DNAH3: variants seen among roughly 807,000 people sequenced by gnomAD.
DNAH3 encodes the protein dynein axonemal heavy chain 3.
DNAH3 carries 332 observed loss-of-function variants against 432.5 expected under a neutral mutation model. The ratio of observed to expected loss-of-function variants is 0.77; its 90% CI spans 0.70 to 0.84. The LOEUF (loss-of-function observed/expected upper bound fraction) is 0.84, where lower values mean the gene tolerates loss of function less well. Among genes scored for constraint, DNAH3 ranks in the 40% least tolerant of loss-of-function variants. DNAH3 has a pLI of 0.00. For missense variants in DNAH3, 4,861 were observed against 5,114.0 expected (o/e 0.95, Z 1.51); for synonymous variants, 1,956 against 1,900.2 (o/e 1.03, Z -0.76).
chr16:21,134,916 G>A (rs2092621900), intron 6 of DNAH3, among the ~76,000 whole-genome samples: 1 of 152,088 alleles, frequency 6.6e-6, no homozygotes, highest in Non-Finnish European at 1.5e-5. Context: ...TTGAAATCCT[G>A]ACCTCAGGTG....
intron 1 of DNAH3, among the ~76,000 whole-genome samples, chr16:21,151,895 C>A (rs2152836773): frequency 6.6e-6 from 1 of 152,000 alleles, no homozygotes; most frequent in Non-Finnish European, 1.5e-5. Flanking sequence ...ATTCAATTTC[C>A]CCCCAAACAC....
intron 37 of DNAH3, among the ~76,000 whole-genome samples, chr16:21,029,514 T>C (rs184572905): frequency 1.3e-5 from 2 of 152,314 alleles, no homozygotes; most frequent in East Asian, 3.9e-4. Context: ...CTATCGTCCC[T>C]ACTTTACAGA....
intron 7 of DNAH3, among the ~76,000 whole-genome samples, chr16:21,129,654 T>C (rs1319341782): frequency 6.6e-6 from 1 of 151,808 alleles, no homozygotes; most frequent in Non-Finnish European, 1.5e-5. Flanking sequence ...GGAGAATTGT[T>C]TGAACCTAGG....
At chr16:21,137,423 CTTT>C (rs560633047) in intron 5 of DNAH3, among the ~76,000 whole-genome samples, 13 of 137,202 alleles carry the variant, frequency 9.5e-5, no homozygotes, top group Admixed American at 7.4e-5. Context: ...TATTGTTGTT[CTTT>C]TTTTTTTTTT....
chr16:20,950,355 G>A (rs1035014022), intron 56 of DNAH3, among the ~76,000 whole-genome samples: 1 of 152,064 alleles, frequency 6.6e-6, no homozygotes, highest in Non-Finnish European at 1.5e-5. Context: ...TGTGTTGTGG[G>A]GACCACCTTG....
chr16:21,153,819 A>C lies in DNAH3; in HGVS notation c.117+5506T>G, dbSNP rs188499366. 3.2e-3 allele frequency among the ~76,000 whole-genome samples: 481 copies of C among 152,300 alleles called. 2 individuals are homozygous for C. Among genetic ancestry groups the C allele is most frequent in the Non-Finnish European group, 5.4e-3 (365 of 68,028 alleles). ...AGTCAGTGAGACCAAGAACCTACGA[A>C]TTCCAGACACAATAGAACCAAGTAC... On this transcript the variant is annotated intron_variant, in intron 1 of 61. Transcript: ENST00000261383.
chr16:21,067,769 T>TGGGGGGGGGGGGGGGGGGG (rs2090613226), intron 23 of DNAH3, among the ~76,000 whole-genome samples: 2 of 21,680 alleles, frequency 9.2e-5, no homozygotes, highest in Admixed American at 6.3e-4. Context: ...GGGGGGGGGG[T>TGGGGGGGGGGGGGGGGGGG]GGGGAGGGAG....
intron 41 of DNAH3, among the ~76,000 whole-genome samples, chr16:21,015,201 C>A (rs1031596068): frequency 6.6e-6 from 1 of 152,048 alleles, no homozygotes; most frequent in East Asian, 1.9e-4. Context: ...AACATACATA[C>A]AATGAAATAT....
chr16:21,149,825 A>G (rs1318859513), intron 1 of DNAH3, among the ~76,000 whole-genome samples: 2 of 152,242 alleles, frequency 1.3e-5, no homozygotes, highest in African/African-American at 2.4e-5. Flanking sequence ...AGCAAAAATG[A>G]TATTTCAAAG....
intron 44 of DNAH3, among the ~76,000 whole-genome samples, chr16:20,996,248 G>A (rs562983403): frequency 2.6e-5 from 4 of 152,016 alleles, no homozygotes; most frequent in Admixed American, 1.3e-4. Context: ...TATGTAGCTA[G>A]CATGTGTATA....
intron 14 of DNAH3, among the ~76,000 whole-genome samples, chr16:21,109,626 G>T (rs2092024882): frequency 6.6e-6 from 1 of 151,948 alleles, no homozygotes; most frequent in African/African-American, 2.4e-5. Flanking sequence ...CTGAGGTAGG[G>T]TCTTGCTCTG....
Position 21,058,206 on chromosome 16 carries a change from C to T in DNAH3, c.3814-10G>A. 1 of 1,522,822 alleles carries T rather than the reference C, an allele frequency of 6.6e-7. No individual in the cohort carries two copies. The highest frequency in any genetic ancestry group is 9.1e-7 in the Non-Finnish European group (1 of 1,096,926). 94.3% of individuals were successfully genotyped at this position (1,522,822 alleles called of 1,614,324 possible). On this transcript the variant is annotated splice_polypyrimidine_tract_variant and intron_variant, in intron 26 of 61. Coordinates refer to ENST00000261383, the Ensembl canonical transcript of DNAH3. ...AGTGATTTCGAGGGACCTGGAAAAGCACAGTGGGCATGTTATAGGATCAGT... is the reference window on the plus strand; with the variant it reads ...AGTGATTTCGAGGGACCTGGAAAAGTACAGTGGGCATGTTATAGGATCAGT...
At chr16:20,937,679 C>T (rs575139635) in intron 59 of DNAH3, among the ~76,000 whole-genome samples, 100 of 151,710 alleles carry the variant, frequency 6.6e-4, no homozygotes, top group African/African-American at 2.4e-3. Flanking sequence ...CAGGCACATG[C>T]CACTATGCCC....
In DNAH3 at chr16:21,111,503, G is replaced by A. The variant is rs890379552; in HGVS notation, c.2099+123C>T. ...GAATTCCTCACTACCCTTACTTAGG[G>A]GCAGAAAAAACTTGATCTAGAAAAT... On this transcript the variant is annotated intron_variant, in intron 14 of 61. Transcript: ENST00000261383. The A allele has an allele frequency of 1.2e-5, 11 of 955,836 alleles. No individual in the cohort carries two copies. The African/African-American group carries it at 1.6e-4, about 14-fold the overall frequency. 59.2% of individuals were successfully genotyped at this position (955,836 alleles called of 1,614,324 possible).
At chr16:21,009,917 G>A (rs1190008187) in intron 41 of DNAH3, among the ~76,000 whole-genome samples, 2 of 116,816 alleles carry the variant, frequency 1.7e-5, no homozygotes, top group Non-Finnish European at 3.7e-5. Flanking sequence ...GGAGAGGAGG[G>A]GAGGGGAGGG....
At chr16:20,943,306 T>C (rs1042201542) in intron 58 of DNAH3, among the ~76,000 whole-genome samples, 1 of 152,014 alleles carries the variant, frequency 6.6e-6, no homozygotes, top group Non-Finnish European at 1.5e-5. Context: ...TCCAACTCCT[T>C]GGCTCAAGCA....
intron 36 of DNAH3, 31 bp from the exon 37 acceptor site, chr16:21,031,317 A>C: frequency 1.2e-6 from 2 of 1,613,438 alleles, no homozygotes; most frequent in Non-Finnish European, 1.7e-6. Flanking sequence ...CCAGTTATAA[A>C]GGCTCTGGTG....
At chr16:20,963,422 C>T (rs746266411) in exon 53 of DNAH3, 4 of 1,614,148 alleles carry the variant, frequency 2.5e-6, no homozygotes, top group South Asian at 2.2e-5. Context: ...AACTCCCGGA[C>T]CGCTGGCACC....
intron 20 of DNAH3, among the ~76,000 whole-genome samples, chr16:21,080,297 C>T (rs2091137584): frequency 6.6e-6 from 1 of 151,446 alleles, no homozygotes; most frequent in African/African-American, 2.4e-5. Context: ...ACTCCGTCTC[C>T]AAAATAAAAT....
Sources: gnomAD v4.1 joint callset for allele counts (sites outside exome capture counted in the v4.1 genomes callset) on GRCh38, gnomAD v4.1.1 for gene constraint, MANE v1.5 for transcripts, NCBI Gene and HGNC (gene_info 2026-07-23, HGNC 2026-07-21) for gene names.